PTPRE: variants seen among roughly 807,000 people sequenced by gnomAD.
PTPRE encodes the protein receptor-type tyrosine-protein phosphatase epsilon.
Under a neutral mutation model 102.0 loss-of-function variants are expected in PTPRE, and 51 were observed. That is an observed-to-expected ratio of 0.50 (90% CI 0.40 to 0.63). The LOEUF (loss-of-function observed/expected upper bound fraction) is 0.63, where lower values mean the gene tolerates loss of function less well. PTPRE is among the 30% of genes least tolerant of loss of function. PTPRE has a pLI of 0.00. For synonymous variants in PTPRE, 345 were observed against 348.2 expected, an observed-to-expected ratio of 0.99 and a Z score of 0.10; for missense variants, 752 against 915.1, an observed-to-expected ratio of 0.82 and a Z score of 2.30.
intron 2 of PTPRE, among the ~76,000 whole-genome samples, chr10:127,985,838 C>T (rs1287488558): frequency 6.6e-6 from 1 of 152,104 alleles, no homozygotes; most frequent in African/African-American, 2.4e-5. Context: ...CACCTGTAAT[C>T]CCAGCACTTT....
At chr10:128,064,384 G>C (rs1455648625) in intron 10 of PTPRE, among the ~76,000 whole-genome samples, 1 of 152,274 alleles carries the variant, frequency 6.6e-6, no homozygotes, top group Non-Finnish European at 1.5e-5. Flanking sequence ...CCCTTGTCAT[G>C]CTTTGTCATG....
At chr10:128,000,470 T>C (rs1404768430) in intron 2 of PTPRE, among the ~76,000 whole-genome samples, 3 of 152,234 alleles carry the variant, frequency 2.0e-5, no homozygotes, top group Admixed American at 6.5e-5. Flanking sequence ...TTCTTTTCTC[T>C]CTCTCTCTTT....
intron 2 of PTPRE, among the ~76,000 whole-genome samples, chr10:128,035,666 A>G (rs1218197815): frequency 6.6e-6 from 1 of 152,186 alleles, no homozygotes; most frequent in Non-Finnish European, 1.5e-5. Context: ...CAGAGAGAAA[A>G]CACTACCCTC....
chr10:128,026,829 AT>A (rs1174016271), intron 2 of PTPRE, among the ~76,000 whole-genome samples: 1 of 152,186 alleles, frequency 6.6e-6, no homozygotes, highest in African/African-American at 2.4e-5. Context: ...GAGTCAACAA[AT>A]TTTTACCATT....
intron 1 of PTPRE, among the ~76,000 whole-genome samples, chr10:127,942,172 A>G (rs1848296445): frequency 6.6e-6 from 1 of 152,186 alleles, no homozygotes; most frequent in Non-Finnish European, 1.5e-5. Context: ...AGAATGAGAG[A>G]AACAGAAGGA....
chr10:128,081,229 G>A (rs1851684155), intron 20 of PTPRE, among the ~76,000 whole-genome samples: 1 of 152,154 alleles, frequency 6.6e-6, no homozygotes, highest in Non-Finnish European at 1.5e-5. Flanking sequence ...CCCTGCAGGT[G>A]AGCACAGTGG....
intron 2 of PTPRE, among the ~76,000 whole-genome samples, chr10:128,011,405 G>A (rs1000597033): frequency 6.6e-6 from 1 of 152,234 alleles, no homozygotes; most frequent in Non-Finnish European, 1.5e-5. Context: ...ACTGGTTGAG[G>A]TGACTGGGGG....
intron 1 of PTPRE, among the ~76,000 whole-genome samples, chr10:127,923,836 C>T (rs967130158): frequency 4.6e-5 from 7 of 152,220 alleles, no homozygotes; most frequent in Admixed American, 3.9e-4. Context: ...TTTCCCACTG[C>T]CTGATGTCTG....
At chr10:127,953,026 G>A (rs890330486) in intron 1 of PTPRE, among the ~76,000 whole-genome samples, 1 of 152,170 alleles carries the variant, frequency 6.6e-6, no homozygotes, top group African/African-American at 2.4e-5. Flanking sequence ...TGTTGTATCT[G>A]GCCCCTCCTA....
At chr10:128,072,959 T>C (rs1033374624) in intron 16 of PTPRE, among the ~76,000 whole-genome samples, 2 of 152,186 alleles carry the variant, frequency 1.3e-5, no homozygotes, top group Admixed American at 6.5e-5. Flanking sequence ...TGTGTGTTCA[T>C]ATTGCCATTT....
chr10:127,958,107 A>G (rs1849534939), intron 1 of PTPRE, among the ~76,000 whole-genome samples: 1 of 152,128 alleles, frequency 6.6e-6, no homozygotes, highest in Non-Finnish European at 1.5e-5. Context: ...TTATTCTTCC[A>G]GGTTTGTTAC....
At chr10:127,937,605 TC>T (rs1847928421) in intron 1 of PTPRE, among the ~76,000 whole-genome samples, 1 of 152,206 alleles carries the variant, frequency 6.6e-6, no homozygotes, top group African/African-American at 2.4e-5. Context: ...ATGCCTGTAA[TC>T]CCAGCACTTT....
At chr10:127,955,906 C>T (rs1831090) in intron 1 of PTPRE, among the ~76,000 whole-genome samples, 70,567 of 151,814 alleles carry the variant, frequency 0.46, 17,175 homozygotes, top group African/African-American at 0.61. Flanking sequence ...ACCTTTTAAA[C>T]CATCAGATCT....
chr10:128,063,048 T>C lies in PTPRE; in HGVS notation c.626-35T>C, dbSNP rs148768606. On this transcript the variant is annotated intron_variant, in intron 9 of 20. Coordinates refer to ENST00000254667, the MANE Select transcript of PTPRE (RefSeq NM_006504.6). ...GGGACCCCAAAGGGACTTCCCTTCA[T>C]GCCTTTTGACTTCGAAATTGTCCTC... 269 of 1,613,032 alleles carry C rather than the reference T, an allele frequency of 1.7e-4. 1 individual carries two copies. The East Asian group carries it at 4.4e-3, about 26-fold the overall frequency.
chr10:127,991,868 G>A (rs1178889866), intron 2 of PTPRE, among the ~76,000 whole-genome samples: 1 of 152,166 alleles, frequency 6.6e-6, no homozygotes, highest in African/African-American at 2.4e-5. Context: ...TGTAGCTCCT[G>A]TCTTGGGCCC....
intron 2 of PTPRE, among the ~76,000 whole-genome samples, chr10:127,994,916 A>G (rs1853095851): frequency 6.6e-6 from 1 of 152,194 alleles, no homozygotes; most frequent in African/African-American, 2.4e-5. Flanking sequence ...CTAAGAGCTA[A>G]GGGATGTACC....
intron 3 of PTPRE, among the ~76,000 whole-genome samples, chr10:128,044,129 C>T (rs886755273): frequency 1.3e-5 from 2 of 152,206 alleles, no homozygotes; most frequent in African/African-American, 4.8e-5. Flanking sequence ...GAAAGATACG[C>T]TTTGAAATCT....
intron 1 of PTPRE, among the ~76,000 whole-genome samples, chr10:127,915,858 A>G (rs983276188): frequency 7.9e-5 from 12 of 152,142 alleles, no homozygotes; most frequent in Non-Finnish European, 1.3e-4. Flanking sequence ...CAACCTTACA[A>G]TGGGTTTATT....
At chr10:127,990,275 G>C (rs539170987) in intron 2 of PTPRE, among the ~76,000 whole-genome samples, 121 of 152,022 alleles carry the variant, frequency 8.0e-4, no homozygotes, top group African/African-American at 2.7e-3. Context: ...AGCCAGGCAT[G>C]GTGGCACGTG....
Sources: allele counts gnomAD v4.1 joint callset (sites outside exome capture counted in the v4.1 genomes callset), GRCh38; gene constraint gnomAD v4.1.1; transcripts MANE v1.5; gene names NCBI Gene and HGNC (gene_info 2026-07-23, HGNC 2026-07-21).